Variants in CTBP2 observed in about 807,000 individuals in gnomAD.
CTBP2 encodes C-terminal-binding protein 2.
CTBP2 carries 30 observed loss-of-function variants against 80.3 expected under a neutral mutation model. The observed-to-expected ratio is 0.37, with a 90% CI of 0.28 to 0.51. The LOEUF is 0.51. Among genes scored for constraint, CTBP2 ranks in the 20% least tolerant of loss-of-function variants. The pLI is 0.93. For missense variants in CTBP2, 1,212 were observed against 1,375.3 expected (o/e 0.88, Z 1.88); for synonymous variants, 594 against 587.4 (o/e 1.01, Z -0.16).
Position 124,992,772 on chromosome 10 carries a change from T to A in CTBP2, c.2700A>T (p.Glu900Asp). 1 of 1,611,382 alleles carries A rather than the reference T, an allele frequency of 6.2e-7. No homozygotes were observed. The change falls in exon 8 of 9, where the codon GAA becomes GAT. Residue 900 changes from glutamate to aspartate, a missense_variant. This residue lies in a region of CTBP2 where 335 missense variants were observed against 504.7 expected (regional missense o/e 0.66). Transcript: ENST00000309035. ...ACCAAGGCGCTGATGTGACAAAGAA[T>A]TCCTTGTTCACACAATTTCTTAAGC...
chr10:125,159,494 TGGCGGC>T (rs941397445), intron 1 of CTBP2, among the ~76,000 whole-genome samples: 1 of 146,416 alleles, frequency 6.8e-6, no homozygotes. Context: ...CGCGCGGCAG[TGGCGGC>T]GGCGGCAGCG....
chr10:124,994,031 G>GA, intron 5 of CTBP2, 46 bp from the exon 8 acceptor site: 11 of 1,610,152 alleles, frequency 6.8e-6, no homozygotes, highest in Non-Finnish European at 9.3e-6. Flanking sequence ...TGGCATGGTG[G>GA]AAGACTCTTG....
At chr10:125,071,131 G>C (rs138722273) in intron 2 of CTBP2, among the ~76,000 whole-genome samples, 1 of 152,178 alleles carries the variant, frequency 6.6e-6, no homozygotes, top group Non-Finnish European at 1.5e-5. Flanking sequence ...TGCCAGGGCT[G>C]CCACGACCTC....
At chr10:125,137,927 A>T (rs996856343) in intron 1 of CTBP2, 3 of 152,226 alleles carry the variant, frequency 2.0e-5, no homozygotes, top group Non-Finnish European at 2.9e-5. Flanking sequence ...GAAGACTCAG[A>T]TGCAGAGAAG....
chr10:125,139,824 T>A (rs1459792752), intron 1 of CTBP2, among the ~76,000 whole-genome samples: 5 of 152,182 alleles, frequency 3.3e-5, no homozygotes, highest in African/African-American at 1.2e-4. Context: ...ACTGCGACCC[T>A]ACTGTGCTCA....
At chr10:125,031,305 A>G (rs561602303), upstream of CTBP2, among the ~76,000 whole-genome samples, 2 of 152,022 alleles carry the variant, frequency 1.3e-5, no homozygotes, top group East Asian at 1.9e-4. Context: ...CCTGGCCAAC[A>G]TGGCGAAACC....
At chr10:125,022,365 A>G (rs930920339) in intron 1 of CTBP2, among the ~76,000 whole-genome samples, 1 of 152,254 alleles carries the variant, frequency 6.6e-6, no homozygotes, top group Non-Finnish European at 1.5e-5. Flanking sequence ...GAGAGCACCT[A>G]AACACAAGCC....
chr10:125,081,695 G>A (rs923637921), intron 2 of CTBP2, among the ~76,000 whole-genome samples: 1 of 151,894 alleles, frequency 6.6e-6, no homozygotes, highest in East Asian at 1.9e-4. Context: ...GACATGAATG[G>A]CCACAGTGAT....
intron 1 of CTBP2, among the ~76,000 whole-genome samples, chr10:125,018,971 G>A (rs1298376573): frequency 2.0e-5 from 3 of 152,214 alleles, no homozygotes; most frequent in Non-Finnish European, 4.4e-5. Context: ...ATGTCCCAGG[G>A]GGCCGCCCAC....
chr10:124,989,772 G>A, intron 8 of CTBP2, 74 bp from the exon 11 acceptor site: 2 of 1,405,466 alleles, frequency 1.4e-6, no homozygotes, highest in Non-Finnish European at 9.5e-7. Flanking sequence ...TCTACTTCTG[G>A]CCTTTTCATA....
chr10:124,987,186 T>C lies in CTBP2; in HGVS notation c.*2332A>G, dbSNP rs1473339058. 6.8e-6 allele frequency: 1 copy of C among 146,102 alleles called. No homozygotes were observed. The highest frequency in any genetic ancestry group is 1.5e-5 in the Non-Finnish European group (1 of 66,320). 9.1% of individuals were successfully genotyped at this position (146,102 alleles called of 1,614,324 possible). A position where few individuals can be genotyped will look rare whatever the true frequency, so the allele number is the denominator to read the frequency against. On this transcript the variant is annotated 3_prime_UTR_variant, in exon 9 of 9. Coordinates refer to ENST00000309035, the MANE Select transcript of CTBP2 (RefSeq NM_022802.3). ...ACTATTAAAACAGCCATAATTATTG[T>C]CCCAAGATAGAATATAGTCCTTTTT... is the stretch of plus-strand genomic sequence containing the variant.
intron 2 of CTBP2, among the ~76,000 whole-genome samples, 193 bp from the exon 3 acceptor site, chr10:125,039,348 A>G (rs1959178037): frequency 6.6e-6 from 1 of 152,248 alleles, no homozygotes; most frequent in Non-Finnish European, 1.5e-5. Flanking sequence ...TTCTTATCTC[A>G]TAATAGAAAG....
intron 8 of CTBP2, among the ~76,000 whole-genome samples, chr10:124,991,498 T>C (rs148877050): frequency 3.5e-4 from 53 of 152,334 alleles, no homozygotes; most frequent in African/African-American, 1.2e-3. Flanking sequence ...GGATGAAATG[T>C]GAAGACAGCC....
At chr10:125,143,170 C>G (rs1009726078) in intron 1 of CTBP2, among the ~76,000 whole-genome samples, 7 of 152,198 alleles carry the variant, frequency 4.6e-5, no homozygotes, top group African/African-American at 1.7e-4. Context: ...CTTCATTCCA[C>G]AGGCAATGTT....
chr10:124,994,707 G>A, intron 4 of CTBP2, 24 bp from the exon 7 acceptor site: 1 of 1,612,358 alleles, frequency 6.2e-7, no homozygotes, highest in Non-Finnish European at 8.5e-7. Flanking sequence ...GAGCGTCCAG[G>A]TGAGTGAGTC....
At chr10:125,000,526 C>G (rs575478058) in intron 3 of CTBP2, 6 of 152,064 alleles carry the variant, frequency 3.9e-5, no homozygotes, top group African/African-American at 1.4e-4. Flanking sequence ...TTGCTAGAGG[C>G]GGCGGGGGTG....
rs944458440 is a variant in CTBP2 at position 124,988,667 on chromosome 10, C to T, written c.*851G>A. The T allele has an allele frequency of 3.1e-5, 4 of 128,066 alleles. No homozygotes were observed. Among genetic ancestry groups the T allele is most frequent in the African/African-American group, 7.6e-5 (3 of 39,614 alleles). 7.9% of individuals were successfully genotyped at this position (128,066 alleles called of 1,614,324 possible). A position where few individuals can be genotyped will look rare whatever the true frequency, so the allele number is the denominator to read the frequency against. On this transcript the variant is annotated 3_prime_UTR_variant, in exon 9 of 9. Transcript: ENST00000309035. Reference sequence around the variant, plus strand: ...TGAAGTGTTCTTGTATAAAATATCACGTGAAGAAAAGAAGACTTTATCAAT... The same window carrying T: ...TGAAGTGTTCTTGTATAAAATATCATGTGAAGAAAAGAAGACTTTATCAAT...
chr10:125,104,755 G>A (rs2135856326), intron 2 of CTBP2, among the ~76,000 whole-genome samples: 1 of 152,346 alleles, frequency 6.6e-6, no homozygotes, highest in East Asian at 1.9e-4. Flanking sequence ...AGTCGACCAA[G>A]AAGACTTTAT....
chr10:125,026,137 C>T lies in CTBP2; in HGVS notation c.1623G>A (p.Val541=). 6.3e-7 allele frequency: 1 copy of T among 1,599,276 alleles called. No homozygotes were observed. ...TGATGGGTGCCCCTGTGCGCCGGGCCACCTTCTGGTACGGTGAGTGAGGCG... is the reference window on the plus strand; with the variant it reads ...TGATGGGTGCCCCTGTGCGCCGGGCTACCTTCTGGTACGGTGAGTGAGGCG... The change falls in exon 1 of 9, where the codon GTG becomes GTA. Residue 541 remains valine (V), a synonymous_variant. Transcript: ENST00000309035.
Sources: allele counts gnomAD v4.1 joint callset (sites outside exome capture counted in the v4.1 genomes callset), GRCh38; gene constraint gnomAD v4.1.1; regional missense constraint gnomAD v4.1.1; transcripts MANE v1.5; gene names NCBI Gene and HGNC (gene_info 2026-07-23, HGNC 2026-07-21).